CACNA1I: variants seen among roughly 807,000 people sequenced by gnomAD.
CACNA1I encodes voltage-dependent T-type calcium channel subunit alpha-1I.
A neutral mutation model predicts 201.6 loss-of-function variants in CACNA1I; 74 were observed. That is an observed-to-expected ratio of 0.37 (90% confidence interval 0.30 to 0.45). The LOEUF is 0.45. Ranked by LOEUF, CACNA1I falls within the 20% of genes least tolerant of loss-of-function variation. The pLI, the probability that CACNA1I is intolerant of heterozygous loss-of-function variation, is 1.00. For synonymous variants in CACNA1I, 1,431 were observed against 1,345.2 expected (o/e 1.06, Z -1.40); for missense variants, 2,346 against 3,138.1 (o/e 0.75, Z 6.03).
At position 39,677,847 on chromosome 22, in the gene CACNA1I, T is replaced by C. The variant is rs370782230; in HGVS notation, c.4934-140T>C. On this transcript the variant is annotated intron_variant, in intron 30 of 36. Coordinates refer to ENST00000402142, the MANE Select transcript of CACNA1I (RefSeq NM_021096.4). This position sits in a 1 kb window ranked among gnomAD's most constrained non-coding sequence, Gnocchi z 4.8. ...ATGTGCCATCTCCCCGAGCCTCAGT[T>C]TATCTGTGGGCTGGGCACAGTCTGC... The C allele has an allele frequency of 2.2e-5, 21 of 952,256 alleles. 1 individual carries two copies. Among genetic ancestry groups the C allele is most frequent in the Admixed American group, 8.4e-5 (3 of 35,750 alleles). The allele number at this position is 952,256 out of a possible 1,614,324, so 59.0% of individuals were successfully genotyped here.
At chr22:39,645,206 C>T (rs946545849) in intron 7 of CACNA1I, among the ~76,000 whole-genome samples, 1 of 152,162 alleles carries the variant, frequency 6.6e-6, no homozygotes, top group African/African-American at 2.4e-5. Flanking sequence ...AGGCTGGTCT[C>T]GAACTCCTGA....
intron 10 of CACNA1I, among the ~76,000 whole-genome samples, chr22:39,653,817 T>C (rs1162890356): frequency 6.6e-6 from 1 of 152,184 alleles, no homozygotes; most frequent in Non-Finnish European, 1.5e-5. Context: ...CTCATCCAGG[T>C]TCCTCATGGC....
intron 24 of CACNA1I, among the ~76,000 whole-genome samples, 182 bp from the exon 25 acceptor site, chr22:39,669,856 G>A (rs1046216283): frequency 1.3e-5 from 2 of 152,182 alleles, no homozygotes; most frequent in Non-Finnish European, 2.9e-5. Context: ...GGCTGAGGAC[G>A]ATATTGTGCC....
intron 4 of CACNA1I, among the ~76,000 whole-genome samples, chr22:39,620,603 G>A (rs769339828): frequency 6.6e-6 from 1 of 152,168 alleles, no homozygotes; most frequent in Non-Finnish European, 1.5e-5. Context: ...GCCCAGGGAC[G>A]CACTGCCAGT....
intron 24 of CACNA1I, among the ~76,000 whole-genome samples, chr22:39,669,305 C>T (rs1935292785): frequency 6.6e-6 from 1 of 152,152 alleles, no homozygotes; most frequent in Admixed American, 6.5e-5. Flanking sequence ...GGGAGGAATG[C>T]GAACACTTGG....
chr22:39,672,389 G>C, intron 27 of CACNA1I, 81 bp downstream of exon 27: 1 of 958,630 alleles, frequency 1.0e-6, no homozygotes, highest in South Asian at 1.3e-5. Context: ...GGGAAGTCTG[G>C]AGCAGCCTGA....
chr22:39,599,617 T>C (rs1415969338), intron 2 of CACNA1I, among the ~76,000 whole-genome samples: 1 of 19,184 alleles, frequency 5.2e-5, no homozygotes, highest in Non-Finnish European at 8.5e-5. Context: ...AGACTCCGTC[T>C]CAAAAAAAAA....
intron 3 of CACNA1I, among the ~76,000 whole-genome samples, chr22:39,608,116 C>CAA (rs147887508): frequency 9.4e-6 from 1 of 106,666 alleles, no homozygotes; most frequent in East Asian, 2.6e-4. Context: ...ACTCCATCTC[C>CAA]AAAAAAAAAA....
chr22:39,678,661 A>T (rs985394061), intron 31 of CACNA1I, among the ~76,000 whole-genome samples: 2 of 152,162 alleles, frequency 1.3e-5, no homozygotes, highest in African/African-American at 2.4e-5. Flanking sequence ...AGAGGCGGCC[A>T]ATCTCCTCAG....
In CACNA1I at chr22:39,615,780, G is replaced by A. The variant is rs562969888; in HGVS notation, c.483-3530G>A. Among the ~76,000 whole-genome samples the A allele has an allele frequency of 6.6e-5, 10 of 152,250 alleles. No homozygotes were observed. The East Asian group carries it at 7.7e-4, about 12-fold the overall frequency. On this transcript the variant is annotated intron_variant, in intron 3 of 36. Transcript: ENST00000402142. ...CCCCCAGGCAGGAGATGCGGCCACC[G>A]CAGAATACCCGCAAATGGTTCATGA...
chr22:39,611,131 G>T (rs1448912476), intron 3 of CACNA1I, among the ~76,000 whole-genome samples: 2 of 152,168 alleles, frequency 1.3e-5, no homozygotes, highest in African/African-American at 4.8e-5. Context: ...TCACAAGGGC[G>T]CCCTGGCTGG....
chr22:39,625,263 G>A (rs1601472380), intron 4 of CACNA1I, among the ~76,000 whole-genome samples: 1 of 152,182 alleles, frequency 6.6e-6, no homozygotes, highest in East Asian at 1.9e-4. Flanking sequence ...TAGAGGGCAA[G>A]CTAGAGAGCT....
At chr22:39,612,832 T>A (rs1311612232) in intron 3 of CACNA1I, among the ~76,000 whole-genome samples, 3 of 152,120 alleles carry the variant, frequency 2.0e-5, no homozygotes, top group Non-Finnish European at 4.4e-5. Context: ...ATTATTTCCT[T>A]CCTCCTTCTC....
At chr22:39,622,359 T>G (rs1601469190) in intron 4 of CACNA1I, among the ~76,000 whole-genome samples, 3 of 39,890 alleles carry the variant, frequency 7.5e-5, no homozygotes, top group African/African-American at 1.0e-4. Context: ...CAGGGGAGGA[T>G]GGGGATTGAG....
intron 5 of CACNA1I, among the ~76,000 whole-genome samples, chr22:39,637,019 C>T (rs1934235463): frequency 6.6e-6 from 1 of 152,222 alleles, no homozygotes; most frequent in Non-Finnish European, 1.5e-5. Flanking sequence ...AGCAAGGCTT[C>T]CAGCAAGCAT....
At chr22:39,662,960 T>A in intron 18 of CACNA1I, 84 bp downstream of exon 18, 1 of 952,518 alleles carries the variant, frequency 1.0e-6, no homozygotes, top group Non-Finnish European at 1.6e-6. Flanking sequence ...GCAAGGCCAT[T>A]GGTGGCGCTC....
chr22:39,642,853 C>T lies in CACNA1I; in HGVS notation c.1113C>T (p.Ser371=), dbSNP rs1383383177. The T allele has an allele frequency of 6.2e-7, 1 of 1,610,388 alleles. No individual in the cohort carries two copies. Among genetic ancestry groups the T allele is most frequent in the Non-Finnish European group, 8.5e-7 (1 of 1,177,894 alleles). The change falls in exon 7 of 37, where the codon TCC becomes TCT. Residue 371 remains serine (S), a synonymous_variant. Transcript: ENST00000402142. ...EIMYYVMDAH[S]FYNFIYFILL... is the part of the protein sequence containing the mutation. ...TGTACTACGTGATGGATGCTCACTC[C>T]TTCTACAACTTCATCTACTTCATCC...
At chr22:39,631,275 C>T (rs1437662576) in intron 4 of CACNA1I, among the ~76,000 whole-genome samples, 2 of 152,144 alleles carry the variant, frequency 1.3e-5, no homozygotes, top group East Asian at 3.9e-4. Flanking sequence ...TCTGGGCGCT[C>T]ACCGGGCTGG....
At chr22:39,584,849 C>G (rs1257383857) in intron 1 of CACNA1I, among the ~76,000 whole-genome samples, 1 of 152,206 alleles carries the variant, frequency 6.6e-6, no homozygotes, top group Non-Finnish European at 1.5e-5. Flanking sequence ...ACCAATATTT[C>G]CATGTCACAT....
Sources: allele counts gnomAD v4.1 joint callset (sites outside exome capture counted in the v4.1 genomes callset), GRCh38; gene constraint gnomAD v4.1.1; non-coding constraint Gnocchi (gnomAD v3.1); transcripts MANE v1.5; gene names NCBI Gene and HGNC (gene_info 2026-07-23, HGNC 2026-07-21).